ACP2: variants seen among roughly 807,000 people sequenced by gnomAD.
ACP2 encodes lysosomal acid phosphatase.
In ACP2, 35 loss-of-function variants were observed where a neutral mutation model predicts 54.7. The ratio of observed to expected loss-of-function variants is 0.64; its 90% CI spans 0.49 to 0.85. The LOEUF is 0.85. ACP2 is among the 40% of genes least tolerant of loss of function. The pLI, the probability that ACP2 is intolerant of heterozygous loss-of-function variation, is 0.00. For missense variants in ACP2, 492 were observed against 565.0 expected, an observed-to-expected ratio of 0.87 and a Z score of 1.31; for synonymous variants, 210 against 224.4, an observed-to-expected ratio of 0.94 and a Z score of 0.57.
At position 47,248,047 on chromosome 11, in the gene ACP2, C is replaced by T. The variant is rs770951953; in HGVS notation, c.201G>A (p.Gln67=). The change falls in exon 2 of 11, where the codon CAG becomes CAA. Residue 67 remains glutamine, a synonymous_variant. Coordinates refer to ENST00000672073, the MANE Select transcript of ACP2 (RefSeq NM_001610.4). ...QEEEWPQGFG[Q]LTKEGMLQHW... is the part of the protein sequence containing the mutation. ...CTGGCTTCTGACCCACCTTGGTTAA[C>T]TGACCAAACCCCTGGGGCCATTCTT... The T allele has an allele frequency of 1.9e-6, 3 of 1,599,948 alleles. No individual in the cohort carries two copies. Among genetic ancestry groups the T allele is most frequent in the South Asian group, 1.1e-5 (1 of 88,646 alleles).
Position 47,240,033 on chromosome 11 carries a change from A to T in ACP2, c.*83T>A. On this transcript the variant is annotated 3_prime_UTR_variant, in exon 11 of 11. Coordinates refer to ENST00000672073, the MANE Select transcript of ACP2 (RefSeq NM_001610.4). ...AGGCCCAACCCAGGATCTCCTGTCC[A>T]TGGGCTGGGGAGCAGCAACAGTCAG... 1 of 1,472,338 alleles carries T rather than the reference A, an allele frequency of 6.8e-7. No individual in the cohort carries two copies. 91.2% of individuals were successfully genotyped at this position (1,472,338 alleles called of 1,614,324 possible).
Position 47,248,104 on chromosome 11 carries a change from C to CA in ACP2, c.143dup (p.Lys49GlufsTer60), listed in dbSNP as rs1954276704. The CA allele has an allele frequency of 6.2e-7, 1 of 1,611,198 alleles. No homozygotes were observed. Among genetic ancestry groups the CA allele is most frequent in the Admixed American group, 1.7e-5 (1 of 59,022 alleles). ...GATAGGGGTCCTTGGGATATGTCTT[C>CA]ACTGGTGAACGGTCTCCATGGCGGT... On this transcript the variant is annotated frameshift_variant, in exon 2 of 11. Coordinates refer to ENST00000672073, the MANE Select transcript of ACP2 (RefSeq NM_001610.4). LOFTEE classifies it high-confidence loss of function.
intron 3 of ACP2, 103 bp downstream of exon 3, chr11:47,247,538 A>G (rs1194623938): frequency 7.5e-7 from 1 of 1,332,790 alleles, no homozygotes; most frequent in Non-Finnish European, 1.1e-6. Flanking sequence ...CCAAAAATAC[A>G]AGAAGGAGGC....
rs1046649985 is a variant in ACP2 at position 47,244,732 on chromosome 11, C to T, written c.772+3G>A. Reference sequence around the variant, plus strand: ...AGAGTGACACGCTGTCCTTGTCACTCACCCCCCTGAAGCCGGGCCTTCTCC... The same window carrying T: ...AGAGTGACACGCTGTCCTTGTCACTTACCCCCCTGAAGCCGGGCCTTCTCC... On this transcript the variant is annotated splice_donor_region_variant and intron_variant, in intron 7 of 10. Transcript: ENST00000672073. 3.1e-6 allele frequency: 5 copies of T among 1,601,130 alleles called. No individual in the cohort carries two copies. The highest frequency in any genetic ancestry group is 2.7e-5 in the African/African-American group (2 of 74,760).
At chr11:47,244,512 T>TC (rs1188941825) in intron 7 of ACP2, among the ~76,000 whole-genome samples, 1 of 151,136 alleles carries the variant, frequency 6.6e-6, no homozygotes, top group African/African-American at 2.4e-5. Flanking sequence ...GGAAACTCCA[T>TC]CCCCCCGAAA....
Position 47,240,109 on chromosome 11 carries a change from G to A in ACP2, c.*7C>T. The A allele has an allele frequency of 6.2e-7, 1 of 1,612,614 alleles. No individual in the cohort carries two copies. The highest frequency in any genetic ancestry group is 1.8e-4 in the Middle Eastern group (1 of 5,564). On this transcript the variant is annotated 3_prime_UTR_variant, in exon 11 of 11. Transcript: ENST00000672073. ...TAGGAGGTGGAGGGAAGGGGGCTGAGTGGTTGTCAGGCGTGGTCCTCCCCA... is the reference window on the plus strand; with the variant it reads ...TAGGAGGTGGAGGGAAGGGGGCTGAATGGTTGTCAGGCGTGGTCCTCCCCA...
At chr11:47,241,785 C>T (rs946422211) in intron 10 of ACP2, among the ~76,000 whole-genome samples, 7 of 152,132 alleles carry the variant, frequency 4.6e-5, no homozygotes, top group Non-Finnish European at 1.0e-4. Context: ...ACAAGGAAGC[C>T]TGGAAGAAGA....
intron 2 of ACP2, 31 bp downstream of exon 2, chr11:47,248,007 C>T: frequency 6.5e-7 from 1 of 1,546,884 alleles, no homozygotes; most frequent in African/African-American, 1.4e-5. Flanking sequence ...TTCTGCAGCT[C>T]ATCCTGAGGA....
intron 6 of ACP2, 170 bp from the exon 7 acceptor site, chr11:47,245,037 C>G (rs1954014806): frequency 7.7e-7 from 1 of 1,306,954 alleles, no homozygotes; most frequent in Admixed American, 2.2e-5. Flanking sequence ...CTTCAGGGCA[C>G]AGGAAAGGAA....
At chr11:47,245,052 A>G in intron 6 of ACP2, 185 bp from the exon 7 acceptor site, 1 of 1,171,758 alleles carries the variant, frequency 8.5e-7, no homozygotes, top group Non-Finnish European at 1.2e-6. Flanking sequence ...AAGGAAGCTC[A>G]GGCACAAAAA....
In ACP2 at chr11:47,242,910, C is replaced by T. The variant is rs1431828278; in HGVS notation, c.963-12G>A. 1.9e-6 allele frequency: 3 copies of T among 1,609,298 alleles called. No individual in the cohort carries two copies. The highest frequency in any genetic ancestry group is 1.3e-5 in the African/African-American group (1 of 74,992). ...CCACTGAGAAATTCCTGAGGGTCGA[C>T]AGGAGGCAACATGGGAGCTGCTCAG... On this transcript the variant is annotated splice_polypyrimidine_tract_variant and intron_variant, in intron 9 of 10. Transcript: ENST00000672073.
At chr11:47,248,597 C>G (rs1447936641) in intron 1 of ACP2, 79 bp downstream of exon 1, 1 of 1,553,808 alleles carries the variant, frequency 6.4e-7, no homozygotes, top group African/African-American at 1.4e-5. Flanking sequence ...CTGTTCCTTC[C>G]CGAGATCCTC....
Position 47,242,912 on chromosome 11 carries a change from G to C in ACP2, c.963-14C>G. On this transcript the variant is annotated splice_polypyrimidine_tract_variant and intron_variant, in intron 9 of 10. Coordinates refer to ENST00000672073, the MANE Select transcript of ACP2 (RefSeq NM_001610.4). ...ACTGAGAAATTCCTGAGGGTCGACA[G>C]GAGGCAACATGGGAGCTGCTCAGCC... is the stretch of plus-strand genomic sequence containing the variant. 6.2e-7 allele frequency: 1 copy of C among 1,609,484 alleles called. No homozygotes were observed.
chr11:47,244,167 G>A (rs1472024822), intron 7 of ACP2, among the ~76,000 whole-genome samples: 3 of 152,010 alleles, frequency 2.0e-5, no homozygotes, highest in African/African-American at 7.2e-5. Context: ...GGCGGCTCAT[G>A]CCTGTAATCC....
rs1216873054 is a variant in ACP2 at position 47,248,748 on chromosome 11, G to A, written c.42C>T (p.Leu14=). Residue 14 remains leucine (L), a synonymous_variant, in exon 1 of 11, where the codon CTC becomes CTT. Transcript: ENST00000672073. ...KRSGWSRAAL[L]QLLLGVNLVV... is the part of the protein sequence containing the mutation. ...CCAGGTTCACGCCGAGAAGGAGCTG[G>A]AGGAGAGCCGCCCGGCTCCAGCCGG... 6 of 1,607,772 alleles carry A rather than the reference G, an allele frequency of 3.7e-6. No homozygotes were observed. The Admixed American group carries it at 8.4e-5, about 23-fold the overall frequency.
intron 3 of ACP2, chr11:47,247,382 C>T: frequency 1.8e-6 from 1 of 557,970 alleles, no homozygotes; most frequent in South Asian, 2.0e-5. Flanking sequence ...TGTGATTTCA[C>T]AGTCAGAAAC....
Position 47,247,512 on chromosome 11 carries a change from T to C in ACP2, c.297+129A>G. 3.7e-6 allele frequency: 4 copies of C among 1,072,794 alleles called. No homozygotes were observed. The South Asian group carries it at 4.0e-5, about 11-fold the overall frequency. 66.5% of individuals were successfully genotyped at this position (1,072,794 alleles called of 1,614,324 possible). A position where few individuals can be genotyped will look rare whatever the true frequency, so the allele number is the denominator to read the frequency against. ...TGTTCCAGACAGCTCTCAGATGTCTTTTCCTGTAGTTGTGACCAAAAATAC... is the reference window on the plus strand; with the variant it reads ...TGTTCCAGACAGCTCTCAGATGTCTCTTCCTGTAGTTGTGACCAAAAATAC... On this transcript the variant is annotated intron_variant, in intron 3 of 10. Transcript: ENST00000672073.
intron 7 of ACP2, 72 bp from the exon 8 acceptor site, chr11:47,243,393 CT>C: frequency 7.5e-7 from 1 of 1,325,680 alleles, no homozygotes. Flanking sequence ...ATCTGTGCTC[CT>C]TTCACCCTCT....
At chr11:47,243,177 C>G (rs908775999) in intron 8 of ACP2, 53 bp from the exon 9 acceptor site, 6 of 1,613,150 alleles carry the variant, frequency 3.7e-6, no homozygotes, top group Middle Eastern at 3.3e-4. Context: ...CCGCAGGAAC[C>G]GAACAGAGAA....
Sources: gnomAD v4.1 joint callset for allele counts (sites outside exome capture counted in the v4.1 genomes callset) on GRCh38, gnomAD v4.1.1 for gene constraint, MANE v1.5 for transcripts, NCBI Gene and HGNC (gene_info 2026-07-23, HGNC 2026-07-21) for gene names.